Variants in DGKB observed in about 807,000 individuals in gnomAD.
The protein encoded by DGKB is diacylglycerol kinase beta, also known as 90 kDa diacylglycerol kinase.
Under a neutral mutation model 114.3 loss-of-function variants are expected in DGKB, and 67 were observed. That is an observed-to-expected ratio of 0.59 (90% confidence interval 0.48 to 0.72). The LOEUF (loss-of-function observed/expected upper bound fraction) is 0.72, where lower values mean the gene tolerates loss of function less well. Ranked by LOEUF, DGKB falls within the 30% of genes least tolerant of loss-of-function variation. The pLI is 0.00. For synonymous variants in DGKB, 398 were observed against 323.1 expected, an observed-to-expected ratio of 1.23 and a Z score of -2.49; for missense variants, 907 against 975.2, an observed-to-expected ratio of 0.93 and a Z score of 0.93.
chr7:14,613,072 A>T (rs1805854669), intron 16 of DGKB, among the ~76,000 whole-genome samples: 1 of 151,968 alleles, frequency 6.6e-6, no homozygotes. Flanking sequence ...ATGAAGCCAG[A>T]CTCTTTGTTA....
At chr7:14,474,668 A>T (rs1378441752) in intron 21 of DGKB, among the ~76,000 whole-genome samples, 1 of 152,084 alleles carries the variant, frequency 6.6e-6, no homozygotes, top group Non-Finnish European at 1.5e-5. Flanking sequence ...AAAAGGAAGT[A>T]TTTAAAGTCA....
intron 5 of DGKB, among the ~76,000 whole-genome samples, chr7:14,731,508 T>C (rs750787680): frequency 1.3e-5 from 2 of 152,192 alleles, no homozygotes; most frequent in Non-Finnish European, 2.9e-5. Flanking sequence ...TTTTACATTG[T>C]TTTAAAAAAA....
intron 21 of DGKB, among the ~76,000 whole-genome samples, chr7:14,414,386 A>G (rs1359928494): frequency 4.6e-5 from 7 of 152,162 alleles, no homozygotes; most frequent in Non-Finnish European, 7.4e-5. Flanking sequence ...GGTTATTTCA[A>G]TATTATATGA....
chr7:14,290,224 T>C (rs1187020800), intron 23 of DGKB, among the ~76,000 whole-genome samples: 1 of 152,144 alleles, frequency 6.6e-6, no homozygotes, highest in East Asian at 1.9e-4. Flanking sequence ...TAGAAAGAGA[T>C]CTGGAAAACA....
intron 13 of DGKB, among the ~76,000 whole-genome samples, chr7:14,642,034 C>T (rs1174562381): frequency 6.6e-6 from 1 of 152,052 alleles, no homozygotes; most frequent in African/African-American, 2.4e-5. Flanking sequence ...ATAGCATGAT[C>T]TCTTTTCAAT....
chr7:14,694,516 T>G (rs1823464514), intron 8 of DGKB, among the ~76,000 whole-genome samples: 1 of 152,222 alleles, frequency 6.6e-6, no homozygotes, highest in South Asian at 2.1e-4. Context: ...ATTTTTTAGA[T>G]TCATATATAT....
At chr7:14,157,885 C>G (rs1783265908) in intron 25 of DGKB, among the ~76,000 whole-genome samples, 2 of 152,164 alleles carry the variant, frequency 1.3e-5, no homozygotes, top group African/African-American at 4.8e-5. Context: ...CACTTCTTTT[C>G]TTAACTAGAG....
At chr7:14,833,420 G>T (rs2128126136) in intron 2 of DGKB, among the ~76,000 whole-genome samples, 1 of 151,994 alleles carries the variant, frequency 6.6e-6, no homozygotes, top group Non-Finnish European at 1.5e-5. Context: ...GTTTATGTTT[G>T]TGTTTTTATG....
At chr7:14,416,174 C>G (rs982306783) in intron 21 of DGKB, among the ~76,000 whole-genome samples, 5 of 151,928 alleles carry the variant, frequency 3.3e-5, no homozygotes, top group Non-Finnish European at 7.4e-5. Flanking sequence ...GATATTAGCC[C>G]TTTGTCAGAT....
rs560023379 is a variant in DGKB at position 14,296,543 on chromosome 7, T to C, written c.2122+41972A>G. ...CCACTAATGGGATTGCTGGGTCAAA[T>C]TGTATTTCTGGCTCTAGATCCCTGA... On this transcript the variant is annotated intron_variant, in intron 23 of 25. Coordinates refer to ENST00000402815, the MANE Select transcript of DGKB (RefSeq NM_001350709.2). 5.3e-5 allele frequency among the ~76,000 whole-genome samples: 8 copies of C among 152,216 alleles called. No individual in the cohort carries two copies. The East Asian group carries it at 1.4e-3, about 26-fold the overall frequency.
At chr7:14,285,637 G>A (rs957901019) in intron 23 of DGKB, among the ~76,000 whole-genome samples, 3 of 152,090 alleles carry the variant, frequency 2.0e-5, no homozygotes, top group Non-Finnish European at 2.9e-5. Flanking sequence ...AATTCACATT[G>A]TATATTAATT....
chr7:14,488,461 C>G (rs556157710), intron 20 of DGKB, among the ~76,000 whole-genome samples: 1 of 152,124 alleles, frequency 6.6e-6, no homozygotes, highest in South Asian at 2.1e-4. Context: ...TTCTACCAAG[C>G]AAATTCCAGA....
At chr7:14,604,053 A>G (rs1213228306) in intron 17 of DGKB, among the ~76,000 whole-genome samples, 1 of 152,146 alleles carries the variant, frequency 6.6e-6, no homozygotes, top group African/African-American at 2.4e-5. Flanking sequence ...AGAGTAATTT[A>G]TATTTTATAT....
chr7:14,588,552 C>T (rs1328778079), intron 17 of DGKB, among the ~76,000 whole-genome samples: 1 of 152,080 alleles, frequency 6.6e-6, no homozygotes, highest in Non-Finnish European at 1.5e-5. Flanking sequence ...TCCCATCTCC[C>T]CTTTATCCTG....
intron 1 of DGKB, among the ~76,000 whole-genome samples, chr7:14,949,429 A>G (rs1021860708): frequency 7.2e-5 from 11 of 152,022 alleles, no homozygotes; most frequent in Non-Finnish European, 1.6e-4. Flanking sequence ...ATCATATAGA[A>G]AATTGTAAAC....
intron 1 of DGKB, among the ~76,000 whole-genome samples, chr7:14,875,143 A>G (rs928473296): frequency 6.6e-6 from 1 of 152,094 alleles, no homozygotes; most frequent in African/African-American, 2.4e-5. Context: ...AATAATAATA[A>G]TAATAACAAT....
At chr7:14,671,007 G>A (rs192748868) in intron 13 of DGKB, among the ~76,000 whole-genome samples, 1 of 152,164 alleles carries the variant, frequency 6.6e-6, no homozygotes, top group South Asian at 2.1e-4. Context: ...AATTATTGCA[G>A]TAGTAAATAA....
At chr7:14,700,462 C>T (rs1186058306) in intron 7 of DGKB, among the ~76,000 whole-genome samples, 2 of 152,158 alleles carry the variant, frequency 1.3e-5, no homozygotes, top group African/African-American at 4.8e-5. Flanking sequence ...ATCGCCTGCC[C>T]GTCTTGGCAT....
intron 21 of DGKB, among the ~76,000 whole-genome samples, chr7:14,453,862 A>C (rs941493648): frequency 6.6e-6 from 1 of 152,200 alleles, no homozygotes; most frequent in Non-Finnish European, 1.5e-5. Context: ...AGAGGGCCAG[A>C]ACTGGCATAT....
Sources: allele counts gnomAD v4.1 joint callset (sites outside exome capture counted in the v4.1 genomes callset), GRCh38; gene constraint gnomAD v4.1.1; transcripts MANE v1.5; gene names NCBI Gene and HGNC (gene_info 2026-07-23, HGNC 2026-07-21).